The following HDAC5 variants were observed in gnomAD, a reference collection of about 807,000 sequenced individuals.
HDAC5 encodes antigen NY-CO-9.
HDAC5 carries 25 observed loss-of-function variants against 133.3 expected under a neutral mutation model. The ratio of observed to expected loss-of-function variants is 0.19; its 90% CI spans 0.14 to 0.26. The LOEUF (loss-of-function observed/expected upper bound fraction) is 0.26, where lower values mean the gene tolerates loss of function less well. Ranked by LOEUF, HDAC5 falls within the 10% of genes least tolerant of loss-of-function variation. The probability of loss-of-function intolerance (pLI) is 1.00; values close to 1 mark genes in which losing one functional copy is unlikely to be tolerated. For synonymous variants in HDAC5, 589 were observed against 610.8 expected, an observed-to-expected ratio of 0.96 and a Z score of 0.53; for missense variants, 1,041 against 1,460.5, an observed-to-expected ratio of 0.71 and a Z score of 4.68.
chr17:44,091,258 C>A lies in HDAC5; in HGVS notation c.1387+12G>T. On this transcript the variant is annotated intron_variant, in intron 11 of 26. Transcript: ENST00000682912. ...TTAGCCCCCTCCCTTGCACAGCTAC[C>A]TGTCCACTCACCAGCAATGAGGGTG... is the stretch of plus-strand genomic sequence containing the variant. 6.2e-7 allele frequency: 1 copy of A among 1,601,950 alleles called. No homozygotes were observed. Among genetic ancestry groups the A allele is most frequent in the Non-Finnish European group, 8.5e-7 (1 of 1,173,566 alleles).
chr17:44,123,281 G>A (rs923527430), intron 1 of HDAC5: 7 of 313,666 alleles, frequency 2.2e-5, no homozygotes, highest in African/African-American at 6.6e-5. Flanking sequence ...CTGTCTGGGA[G>A]GGGCAGGGAG....
chr17:44,088,709 ACTCAGGAAAAACC>A, intron 11 of HDAC5, 111 bp from the exon 12 acceptor site: 1 of 1,443,854 alleles, frequency 6.9e-7, no homozygotes, highest in Non-Finnish European at 9.2e-7. Flanking sequence ...CCACCTATAT[ACTCAGGAAAAACC>A]CTGGGGGACC....
chr17:44,111,919 A>T (rs968843160), intron 2 of HDAC5, among the ~76,000 whole-genome samples: 1 of 152,164 alleles, frequency 6.6e-6, no homozygotes, highest in Non-Finnish European at 1.5e-5. Context: ...TAATTCTCAG[A>T]GCACAGGTAG....
At chr17:44,115,177 C>T (rs375632549) in intron 2 of HDAC5, among the ~76,000 whole-genome samples, 2 of 152,326 alleles carry the variant, frequency 1.3e-5, no homozygotes, top group African/African-American at 2.4e-5. Flanking sequence ...AAAGCTCCTA[C>T]GCTGAGAGGA....
At chr17:44,109,411 G>A (rs1003050908) in intron 3 of HDAC5, among the ~76,000 whole-genome samples, 3 of 152,142 alleles carry the variant, frequency 2.0e-5, no homozygotes, top group Non-Finnish European at 2.9e-5. Context: ...AGGGGACTAC[G>A]TGGGTATCTT....
rs946305972 is a variant in HDAC5, at chr17:44,117,675, C to T, written c.-160G>A. 2.1e-5 allele frequency: 16 copies of T among 749,362 alleles called. No homozygotes were observed. The highest frequency in any genetic ancestry group is 2.8e-5 in the Non-Finnish European group (12 of 436,056). 46.4% of individuals were successfully genotyped at this position (749,362 alleles called of 1,614,324 possible). ...GCCCATCCGAGGCCATCCTTCGGGGCGAGGCAGTCAGGCACTCAGAACGGC... is the reference window on the plus strand; with the variant it reads ...GCCCATCCGAGGCCATCCTTCGGGGTGAGGCAGTCAGGCACTCAGAACGGC... On this transcript the variant is annotated 5_prime_UTR_variant, in exon 2 of 27. Transcript: ENST00000682912. This position sits in a 1 kb window ranked among gnomAD's most constrained non-coding sequence, Gnocchi z 4.2.
intron 3 of HDAC5, among the ~76,000 whole-genome samples, chr17:44,102,302 T>C (rs2051664151): frequency 6.6e-6 from 1 of 152,238 alleles, no homozygotes; most frequent in Non-Finnish European, 1.5e-5. Flanking sequence ...GCAACGTTCC[T>C]ACCCAGAGAC....
At position 44,091,762 on chromosome 17, in the gene HDAC5, A is replaced by G; in HGVS notation, c.1102T>C (p.Ser368Pro). ...AGCCCTAGGGAGATGTTGGGCAGAG[A>G]AGGAGACGTGTAGAGGCTGAACTGG... ...PNQFSLYTSP[S>P]LPNISLGLQA... The change falls in exon 10 of 27, where the codon TCT becomes CCT. Residue 368 changes from serine (S) to proline (P), a missense_variant. This residue lies in a region of HDAC5 where 433 missense variants were observed against 531.6 expected (regional missense o/e 0.81). Transcript: ENST00000682912. 2 of 1,602,692 alleles carry G rather than the reference A, an allele frequency of 1.2e-6. No homozygotes were observed. Among genetic ancestry groups the G allele is most frequent in the Non-Finnish European group, 1.7e-6 (2 of 1,174,474 alleles).
chr17:44,081,863 T>G (rs1291891190), intron 20 of HDAC5: 1 of 152,238 alleles, frequency 6.6e-6, no homozygotes, highest in Non-Finnish European at 1.5e-5. Flanking sequence ...TTACAGGCTT[T>G]GAGCCATTGT....
rs1294676952 is a variant in HDAC5, at chr17:44,117,913, A to G, written c.-189-209T>C. 6.6e-6 allele frequency among the ~76,000 whole-genome samples: 1 copy of G among 152,178 alleles called. No individual in the cohort carries two copies. Among genetic ancestry groups the G allele is most frequent in the Non-Finnish European group, 1.5e-5 (1 of 68,010 alleles). On this transcript the variant is annotated intron_variant, in intron 1 of 26. Coordinates refer to ENST00000682912, the MANE Select transcript of HDAC5 (RefSeq NM_005474.5). This position sits in a 1 kb window ranked among gnomAD's most constrained non-coding sequence, Gnocchi z 4.2. ...GGCTCCCAGAGCCCAAGGGATAGGAAATGGCTATGGTGGCCAAACCCAACA... is the reference window on the plus strand; with the variant it reads ...GGCTCCCAGAGCCCAAGGGATAGGAGATGGCTATGGTGGCCAAACCCAACA...
At chr17:44,080,566 A>T in intron 21 of HDAC5, 68 bp from the exon 22 acceptor site, 1 of 1,538,838 alleles carries the variant, frequency 6.5e-7, no homozygotes, top group Middle Eastern at 1.7e-4. Flanking sequence ...CCCTGCCCTC[A>T]CCCCTGCCTC....
At chr17:44,120,668 G>A (rs1025437745) in intron 1 of HDAC5, 1 of 151,930 alleles carries the variant, frequency 6.6e-6, no homozygotes, top group African/African-American at 2.4e-5. Flanking sequence ...CTCGAACCCT[G>A]GAGACAGAGG....
intron 14 of HDAC5, 104 bp downstream of exon 14, chr17:44,086,468 T>C: frequency 1.1e-6 from 1 of 929,820 alleles, no homozygotes; most frequent in South Asian, 5.8e-5. Context: ...CCTTTCAGGG[T>C]GCCTAAGGGG....
In HDAC5 at chr17:44,078,862, C is replaced by T; in HGVS notation, c.3096G>A (p.Glu1032=). The T allele has an allele frequency of 6.2e-7, 1 of 1,614,224 alleles. No homozygotes were observed. Among genetic ancestry groups the T allele is most frequent in the Admixed American group, 1.7e-5 (1 of 60,034 alleles). ...TGTTGGGCTTTTGCTGCAAGACTGC[C>T]TCATCCAAGGGCTGCAGCTGGCAGG... ...LLSVELQPLD[E]AVLQQKPNIN... Residue 1032 remains glutamate, a synonymous_variant, in exon 25 of 27, where the codon GAG becomes GAA. Transcript: ENST00000682912.
At chr17:44,111,451 C>T (rs1233733778) in intron 2 of HDAC5, 1 of 410,826 alleles carries the variant, frequency 2.4e-6, no homozygotes, top group East Asian at 7.1e-5. Context: ...TGGCCAGAGG[C>T]TGGGCTGGGG....
intron 1 of HDAC5, among the ~76,000 whole-genome samples, chr17:44,121,572 C>T (rs897778189): frequency 1.3e-5 from 2 of 151,898 alleles, no homozygotes; most frequent in South Asian, 2.1e-4. Context: ...ACTTCAGCAC[C>T]GACTGCACTA....
At chr17:44,084,759 C>A in intron 15 of HDAC5, 84 bp from the exon 16 acceptor site, 2 of 1,531,430 alleles carry the variant, frequency 1.3e-6, no homozygotes, top group Non-Finnish European at 1.8e-6. Flanking sequence ...GCACACAGAG[C>A]CACTTCCTGG....
chr17:44,105,567 C>T (rs1256863822), intron 3 of HDAC5, among the ~76,000 whole-genome samples: 2 of 152,228 alleles, frequency 1.3e-5, no homozygotes, highest in Admixed American at 6.5e-5. Flanking sequence ...TCTGCCTCCA[C>T]TCCCTAAGCA....
chr17:44,091,641 C>A, intron 10 of HDAC5, 59 bp downstream of exon 10: 1 of 1,510,358 alleles, frequency 6.6e-7, no homozygotes, highest in Non-Finnish European at 8.9e-7. Flanking sequence ...CAGCTGGGGG[C>A]ATGCAGGACC....
Sources: gnomAD v4.1 joint callset for allele counts (sites outside exome capture counted in the v4.1 genomes callset) on GRCh38, gnomAD v4.1.1 for gene constraint, gnomAD v4.1.1 regional missense constraint, Gnocchi (gnomAD v3.1) non-coding constraint, MANE v1.5 for transcripts, NCBI Gene and HGNC (gene_info 2026-07-23, HGNC 2026-07-21) for gene names.